Variants in DGKG observed in about 807,000 individuals in gnomAD.
The protein encoded by DGKG is DAG kinase gamma.
A neutral mutation model predicts 105.3 loss-of-function variants in DGKG; 78 were observed. The ratio of observed to expected loss-of-function variants is 0.74; its 90% confidence interval spans 0.62 to 0.89. The LOEUF (loss-of-function observed/expected upper bound fraction) is 0.89. Ranked by LOEUF, DGKG falls within the 40% of genes least tolerant of loss-of-function variation. The probability of loss-of-function intolerance (pLI) is 0.00; values close to 1 mark genes in which losing one functional copy is unlikely to be tolerated. For missense variants in DGKG, 958 were observed against 1,020.1 expected (o/e 0.94, Z 0.83); for synonymous variants, 346 against 367.1 (o/e 0.94, Z 0.66).
chr3:186,246,867 T>G (rs1720968356), intron 19 of DGKG, among the ~76,000 whole-genome samples: 1 of 152,198 alleles, frequency 6.6e-6, no homozygotes, highest in African/African-American at 2.4e-5. Context: ...GCCCTTGGGC[T>G]CCCCTAGCAT....
intron 3 of DGKG, among the ~76,000 whole-genome samples, chr3:186,300,135 C>G (rs1723852876): frequency 6.6e-6 from 1 of 152,094 alleles, no homozygotes; most frequent in Admixed American, 6.6e-5. Flanking sequence ...CCATGCCCAG[C>G]CCCTCTTCTC....
At chr3:186,288,024 A>G (rs886871577) in intron 6 of DGKG, among the ~76,000 whole-genome samples, 1 of 152,182 alleles carries the variant, frequency 6.6e-6, no homozygotes, top group Non-Finnish European at 1.5e-5. Flanking sequence ...GGAAACCATC[A>G]CTGGACTGAA....
Position 186,259,345 on chromosome 3 carries a change from GCTGTA to G in DGKG, c.1424+1089_1424+1093del, listed in dbSNP as rs568195431. ...CTGTGGGGGGCTGCTCCGTCACAAG[GCTGTA>G]CTGTTCAGCAGTGATGGCAATCACG... On this transcript the variant is annotated intron_variant, in intron 16 of 24. Coordinates refer to ENST00000265022, the MANE Select transcript of DGKG (RefSeq NM_001346.3). Among the ~76,000 whole-genome samples the G allele has an allele frequency of 2.7e-3, 411 of 152,344 alleles. 1 individual carries two copies. Among genetic ancestry groups the G allele is most frequent in the African/African-American group, 9.2e-3 (383 of 41,580 alleles).
chr3:186,276,386 T>TA (rs1389031980), intron 9 of DGKG, among the ~76,000 whole-genome samples: 1 of 152,234 alleles, frequency 6.6e-6, no homozygotes, highest in African/African-American at 2.4e-5. Flanking sequence ...ATTAACCTGT[T>TA]AACAGAGGTT....
rs190511939 is a variant in DGKG at position 186,252,483 on chromosome 3, C to T, written c.1601-564G>A. ...TGAGCTGAACTTCTCCATTTTCTGG[C>T]GCATGTCCAACGCCATGGGGGCTAC... On this transcript the variant is annotated intron_variant, in intron 18 of 24. Transcript: ENST00000265022. Among the ~76,000 whole-genome samples, 33 of 152,328 alleles carry T rather than the reference C, an allele frequency of 2.2e-4. 1 individual carries two copies. The highest frequency in any genetic ancestry group is 1.1e-3 in the Admixed American group (17 of 15,304).
At chr3:186,272,213 G>T in intron 11 of DGKG, 42 bp downstream of exon 11, 1 of 1,464,182 alleles carries the variant, frequency 6.8e-7, no homozygotes, top group Non-Finnish European at 9.6e-7. Flanking sequence ...CATGTTTCCT[G>T]GATGAGGCAT....
In DGKG at chr3:186,211,890, A is replaced by T; in HGVS notation, c.1827-5T>A. The T allele has an allele frequency of 6.2e-7, 1 of 1,611,670 alleles. No individual in the cohort carries two copies. The highest frequency in any genetic ancestry group is 1.1e-5 in the South Asian group (1 of 91,028). On this transcript the variant is annotated splice_polypyrimidine_tract_variant and splice_region_variant and intron_variant, in intron 20 of 24. Coordinates refer to ENST00000265022, the MANE Select transcript of DGKG (RefSeq NM_001346.3). ...TACCACAGCTTGTTCTTCATCCTGGACCACAAAGCAGAGAGATGTCTCAAT... is the reference window on the plus strand; with the variant it reads ...TACCACAGCTTGTTCTTCATCCTGGTCCACAAAGCAGAGAGATGTCTCAAT...
intron 7 of DGKG, among the ~76,000 whole-genome samples, 182 bp from the exon 8 acceptor site, chr3:186,280,926 G>A (rs139543065): frequency 1.5e-4 from 23 of 152,294 alleles, no homozygotes; most frequent in African/African-American, 3.6e-4. Flanking sequence ...CAAAGCTCAC[G>A]AGAAGCACAG....
In DGKG at chr3:186,284,452, GA is replaced by G. The variant is rs1231903227; in HGVS notation, c.594+207del. Among the ~76,000 whole-genome samples the G allele has an allele frequency of 6.6e-6, 1 of 152,100 alleles. No individual in the cohort carries two copies. Among genetic ancestry groups the G allele is most frequent in the Non-Finnish European group, 1.5e-5 (1 of 68,038 alleles). ...TTTGATGATCCCAGGCTTCTAGAGC[GA>G]AAAGGTAAGTTGGCATTCACGCTCT... is the stretch of plus-strand genomic sequence containing the variant. On this transcript the variant is annotated intron_variant, in intron 7 of 24. Coordinates refer to ENST00000265022, the MANE Select transcript of DGKG (RefSeq NM_001346.3). This position sits in a 1 kb window ranked among gnomAD's most constrained non-coding sequence, Gnocchi z 4.0.
At position 186,250,031 on chromosome 3, in the gene DGKG, C is replaced by T. The variant is rs140381986; in HGVS notation, c.1761+1728G>A. ...GGATTCGTCTGGAGGGTTTCATATG[C>T]ATGTGAAACTGGGCAGCACAACTCC... is the stretch of plus-strand genomic sequence containing the variant. On this transcript the variant is annotated intron_variant, in intron 19 of 24. Transcript: ENST00000265022. 2.2e-3 allele frequency among the ~76,000 whole-genome samples: 338 copies of T among 152,228 alleles called. 5 individuals are homozygous for T. Among genetic ancestry groups the T allele is most frequent in the African/African-American group, 7.8e-3 (322 of 41,516 alleles).
intron 12 of DGKG, among the ~76,000 whole-genome samples, chr3:186,268,142 T>C (rs776141766): frequency 5.3e-5 from 8 of 152,186 alleles, no homozygotes; most frequent in Non-Finnish European, 1.0e-4. Flanking sequence ...AACAAACTCA[T>C]GGATGGCTGA....
rs558304308 is a variant in DGKG, at chr3:186,223,354, T to C, written c.1827-11469A>G. 7.2e-5 allele frequency among the ~76,000 whole-genome samples: 11 copies of C among 152,154 alleles called. 1 individual carries two copies. The highest frequency in any genetic ancestry group is 2.6e-4 in the African/African-American group (11 of 41,526). ...AGAGCACACACTGAAGTATGCATCC[T>C]GTGTCTTCCTTTTGCAATCCTAAAA... On this transcript the variant is annotated intron_variant, in intron 20 of 24. Transcript: ENST00000265022.
intron 20 of DGKG, among the ~76,000 whole-genome samples, chr3:186,241,493 C>T (rs1720683410): frequency 6.6e-6 from 1 of 151,946 alleles, no homozygotes. Context: ...GAGGAGGTTG[C>T]AGTGAGACAA....
At chr3:186,186,732 A>G (rs1451297285) in intron 22 of DGKG, among the ~76,000 whole-genome samples, 1 of 152,198 alleles carries the variant, frequency 6.6e-6, no homozygotes, top group Non-Finnish European at 1.5e-5. Flanking sequence ...CCTCCAGCTC[A>G]CCTGTCCATT....
chr3:186,331,797 A>G (rs1725617557), intron 1 of DGKG, among the ~76,000 whole-genome samples: 1 of 152,230 alleles, frequency 6.6e-6, no homozygotes, highest in South Asian at 2.1e-4. Flanking sequence ...TCACTTGCTC[A>G]ACAAATCACT....
chr3:186,311,972 C>G (rs552451615), intron 2 of DGKG, among the ~76,000 whole-genome samples: 1 of 140,004 alleles, frequency 7.1e-6, no homozygotes, highest in Non-Finnish European at 1.5e-5. Flanking sequence ...AAAAATTAGC[C>G]GGGCGCGGTG....
At chr3:186,193,280 G>T (rs982147373) in intron 21 of DGKG, among the ~76,000 whole-genome samples, 17 of 152,354 alleles carry the variant, frequency 1.1e-4, no homozygotes, top group Non-Finnish European at 2.4e-4. Context: ...TCACTTGCCA[G>T]CGGTGTGATT....
intron 19 of DGKG, among the ~76,000 whole-genome samples, chr3:186,250,567 T>TTTTTTTTTTTTTGG (rs1721165070): frequency 6.8e-6 from 1 of 148,094 alleles, no homozygotes; most frequent in Non-Finnish European, 1.5e-5. Flanking sequence ...CTTTTTTTTT[T>TTTTTTTTTTTTTGG]GAGACAGAGT....
chr3:186,306,877 G>A (rs1476855714), intron 3 of DGKG, 24 bp downstream of exon 3: 2 of 1,538,666 alleles, frequency 1.3e-6, no homozygotes, highest in Admixed American at 1.7e-5. Context: ...GGTTTTTAAA[G>A]GCTTAAAATG....
Sources: allele counts gnomAD v4.1 joint callset (sites outside exome capture counted in the v4.1 genomes callset), GRCh38; gene constraint gnomAD v4.1.1; non-coding constraint Gnocchi (gnomAD v3.1); transcripts MANE v1.5; gene names NCBI Gene and HGNC (gene_info 2026-07-23, HGNC 2026-07-21).